The following GH1 variants were observed in gnomAD, a reference collection of about 807,000 sequenced individuals.
GH1 encodes somatotropin.
In GH1, 13 loss-of-function variants were observed where a neutral mutation model predicts 24.5. That is an observed-to-expected ratio of 0.53 (90% CI 0.35 to 0.85). The LOEUF (loss-of-function observed/expected upper bound fraction) is 0.85, where lower values mean the gene tolerates loss of function less well. Among genes scored for constraint, GH1 ranks in the 40% least tolerant of loss-of-function variants. GH1 has a pLI of 0.01. For synonymous variants in GH1, 126 were observed against 116.3 expected (o/e 1.08, Z -0.54); for missense variants, 294 against 273.2 (o/e 1.08, Z -0.54).
Position 63,917,810 on chromosome 17 carries a change from C to G in GH1, c.406G>C (p.Val136Leu). The change falls in exon 4 of 5, where the codon GTC becomes CTC. Residue 136 changes from valine (V) to leucine (L), a missense_variant. Val to Leu is a conservative substitution (Grantham distance 32). Coordinates refer to ENST00000323322, the MANE Select transcript of GH1 (RefSeq NM_000515.5). ...TCTAGGTCCTTTAGGAGGTCATAGA[C>G]GTTGCTGTCAGAGGCGCCGTACACC... Reference protein sequence around the residue: ...SLVYGASDSNVYDLLKDLEEG... With the variant: ...SLVYGASDSNLYDLLKDLEEG... 6.2e-7 allele frequency: 1 copy of G among 1,614,182 alleles called. No homozygotes were observed. Among genetic ancestry groups the G allele is most frequent in the Non-Finnish European group, 8.5e-7 (1 of 1,180,044 alleles).
At chr17:63,918,577 C>T in intron 1 of GH1, 71 bp from the exon 2 acceptor site, 1 of 1,611,798 alleles carries the variant, frequency 6.2e-7, no homozygotes, top group Non-Finnish European at 8.5e-7. Context: ...GCTCCAGGAG[C>T]TGTTTGTTTT....
chr17:63,918,004 G>A lies in GH1; in HGVS notation c.291+13C>T, dbSNP rs372156665. On this transcript the variant is annotated intron_variant, in intron 3 of 4. Transcript: ENST00000323322. ...CTCCCCCATCCCCGCCTGGGGAGAA[G>A]GCATCCACTCACGGATTTCTGTTGT... 1.9e-6 allele frequency: 3 copies of A among 1,614,174 alleles called. No individual in the cohort carries two copies. The highest frequency in any genetic ancestry group is 1.7e-5 in the Admixed American group (1 of 60,038).
rs41295039 is a variant in GH1 at position 63,917,940 on chromosome 17, G to T, written c.292-16C>A. The T allele has an allele frequency of 6.2e-7, 1 of 1,613,744 alleles. No homozygotes were observed. The highest frequency in any genetic ancestry group is 1.7e-5 in the Admixed American group (1 of 60,016). Reference sequence around the variant, plus strand: ...GCTCTAGGTTCTGCAGGGGAAGGACGGGCATTGGCTGTGCTGCCCGGGGGC... The same window carrying T: ...GCTCTAGGTTCTGCAGGGGAAGGACTGGCATTGGCTGTGCTGCCCGGGGGC... On this transcript the variant is annotated splice_polypyrimidine_tract_variant and intron_variant, in intron 3 of 4. Coordinates refer to ENST00000323322, the MANE Select transcript of GH1 (RefSeq NM_000515.5).
chr17:63,917,540 C>G lies in GH1; in HGVS notation c.457-34G>C, dbSNP rs374361067. ...TGAAGGAAGAGAAGGAGAGGCCAAGCGCTTGGGTACTGTTCCCTCCCTTTC... is the reference window on the plus strand; with the variant it reads ...TGAAGGAAGAGAAGGAGAGGCCAAGGGCTTGGGTACTGTTCCCTCCCTTTC... On this transcript the variant is annotated intron_variant, in intron 4 of 4. Transcript: ENST00000323322. The G allele has an allele frequency of 6.2e-6, 10 of 1,613,868 alleles. No homozygotes were observed. The African/African-American group carries it at 1.1e-4, about 17-fold the overall frequency.
rs754708691 is a variant in GH1 at position 63,918,355 on chromosome 17, G to A, written c.162C>T (p.Tyr54=). 4.3e-6 allele frequency: 7 copies of A among 1,614,070 alleles called. No homozygotes were observed. The highest frequency in any genetic ancestry group is 4.0e-5 in the African/African-American group (3 of 74,914). Residue 54 remains tyrosine (Y), a synonymous_variant, in exon 2 of 5, where the codon TAC becomes TAT. Coordinates refer to ENST00000323322, the MANE Select transcript of GH1 (RefSeq NM_000515.5). ...HRLHQLAFDT[Y]QEFEEAYIPK... ...TTCCCCAAGAGCTTACAAACTCCTG[G>A]TAGGTGTCAAAGGCCAGCTGGTGCA...
intron 1 of GH1, 85 bp downstream of exon 1, chr17:63,918,682 A>G: frequency 1.2e-6 from 2 of 1,612,046 alleles, no homozygotes; most frequent in Non-Finnish European, 1.7e-6. Context: ...CCCAAACCTG[A>G]GGGTTAGTGC....
rs4080075 is a variant in GH1 at position 63,917,447 on chromosome 17, G to A, written c.516C>T (p.Phe172=). The change falls in exon 5 of 5, where the codon TTC becomes TTT. Residue 172 remains phenylalanine, a synonymous_variant. Coordinates refer to ENST00000323322, the MANE Select transcript of GH1 (RefSeq NM_000515.5). ...CGTCATCGTTGTGTGAGTTTGTGTC[G>A]AACTTGCTGTAGGTCTGCTTGAAGA... The part of the protein sequence containing the change: ...GQIFKQTYSK[F]DTNSHNDDAL... 81 of 1,613,962 alleles carry A rather than the reference G, an allele frequency of 5.0e-5. No individual in the cohort carries two copies. Among genetic ancestry groups the A allele is most frequent in the African/African-American group, 2.5e-4 (19 of 75,024 alleles).
At chr17:63,918,207 A>T in intron 2 of GH1, 71 bp from the exon 3 acceptor site, 2 of 1,613,164 alleles carry the variant, frequency 1.2e-6, no homozygotes, top group Non-Finnish European at 1.7e-6. Context: ...TGGGAACCTC[A>T]CTCAGCGTGT....
chr17:63,918,539 C>T (rs756344544), intron 1 of GH1, 33 bp from the exon 2 acceptor site: 89 of 1,613,150 alleles, frequency 5.5e-5, no homozygotes, highest in East Asian at 4.2e-4. Context: ...CAGAGGGAGC[C>T]GGAGAGCAAG....
At chr17:63,918,244 G>A in intron 2 of GH1, 102 bp downstream of exon 2, 1 of 1,611,462 alleles carries the variant, frequency 6.2e-7, no homozygotes, top group Non-Finnish European at 8.5e-7. Flanking sequence ...TTTCGCTTCG[G>A]GAAAAACCCT....
rs61735359 is a variant in GH1 at position 63,918,367 on chromosome 17, G to T, written c.150C>A (p.Ala50=). Reference sequence around the variant, plus strand: ...TTACAAACTCCTGGTAGGTGTCAAAGGCCAGCTGGTGCAGACGATGGGCGC... The same window carrying T: ...TTACAAACTCCTGGTAGGTGTCAAATGCCAGCTGGTGCAGACGATGGGCGC... ...MLRAHRLHQL[A]FDTYQEFEEA... is the part of the protein sequence containing the mutation. Residue 50 remains alanine (A), a synonymous_variant, in exon 2 of 5, where the codon GCC becomes GCA. Coordinates refer to ENST00000323322, the MANE Select transcript of GH1 (RefSeq NM_000515.5). 1,285 of 1,614,200 alleles carry T rather than the reference G, an allele frequency of 8.0e-4. 9 individuals carry two copies. The African/African-American group carries it at 0.014, about 18-fold the overall frequency.
Position 63,918,066 on chromosome 17 carries a change from G to C in GH1, c.242C>G (p.Ser81Ter), listed in dbSNP as rs761074249. 7 of 1,614,070 alleles carry C rather than the reference G, an allele frequency of 4.3e-6. No homozygotes were observed. ...LQNPQTSLCFSESIPTPSNRE... is the reference protein window; with the variant it reads ...LQNPQTSLCF ...GTTGGAGGGTGTCGGAATAGACTCT[G>C]AGAAACAGAGGGAGGTCTGGGGGTT... is the stretch of plus-strand genomic sequence containing the variant. Residue 81 changes from serine to a stop codon, truncating the protein, a stop_gained, in exon 3 of 5, where the codon TCA becomes TGA. Transcript: ENST00000323322. LOFTEE classifies it high-confidence loss of function.
chr17:63,918,047 G>A lies in GH1; in HGVS notation c.261C>T (p.Pro87=), dbSNP rs745549585. Reference sequence around the variant, plus strand: ...TCTGTTGTGTTTCCTCCCTGTTGGAGGGTGTCGGAATAGACTCTGAGAAAC... The same window carrying A: ...TCTGTTGTGTTTCCTCCCTGTTGGAAGGTGTCGGAATAGACTCTGAGAAAC... The part of the protein sequence containing the change: ...SLCFSESIPT[P]SNREETQQKS... The change falls in exon 3 of 5, where the codon CCC becomes CCT. Residue 87 remains proline, a synonymous_variant. Transcript: ENST00000323322. The A allele has an allele frequency of 1.3e-5, 21 of 1,614,088 alleles. No individual in the cohort carries two copies. The highest frequency in any genetic ancestry group is 8.0e-5 in the African/African-American group (6 of 74,930).
rs184640372 is a variant in GH1 at position 63,917,416 on chromosome 17, G to A, written c.547C>T (p.Leu183Phe). ...CAGTAGAGCAGCCCGTAGTTCTTGA[G>A]TAGTGCGTCATCGTTGTGTGAGTTT... is the stretch of plus-strand genomic sequence containing the variant. ...DTNSHNDDAL[L>F]KNYGLLYCFR... Residue 183 changes from leucine to phenylalanine, a missense_variant, in exon 5 of 5, where the codon CTC becomes TTC. Transcript: ENST00000323322. 50 of 1,613,980 alleles carry A rather than the reference G, an allele frequency of 3.1e-5. No individual in the cohort carries two copies. In the African/African-American group the frequency reaches 6.0e-4, roughly 19 times the overall value.
chr17:63,917,598 G>C, intron 4 of GH1, 92 bp from the exon 5 acceptor site: 3 of 1,613,962 alleles, frequency 1.9e-6, no homozygotes, highest in Non-Finnish European at 2.5e-6. Context: ...CCCCTTCAGG[G>C]TGTAGAGAAA....
rs1288296754 is a variant in GH1 at position 63,918,331 on chromosome 17, T to A, written c.171+15A>T. 6.2e-7 allele frequency: 1 copy of A among 1,613,856 alleles called. No homozygotes were observed. The highest frequency in any genetic ancestry group is 2.2e-5 in the East Asian group (1 of 44,868). On this transcript the variant is annotated intron_variant, in intron 2 of 4. Coordinates refer to ENST00000323322, the MANE Select transcript of GH1 (RefSeq NM_000515.5). ...CCTGCCACCCCTGATGCGCACCCATTCCCCAAGAGCTTACAAACTCCTGGT... is the reference window on the plus strand; with the variant it reads ...CCTGCCACCCCTGATGCGCACCCATACCCCAAGAGCTTACAAACTCCTGGT...
intron 1 of GH1, 115 bp downstream of exon 1, chr17:63,918,652 C>T (rs1261496142): frequency 9.9e-6 from 16 of 1,610,026 alleles, no homozygotes; most frequent in Middle Eastern, 2.2e-4. Context: ...GCTTACATGG[C>T]GATACTCACA....
chr17:63,918,745 A>G (rs1350046543), intron 1 of GH1, 22 bp downstream of exon 1: 2 of 1,613,778 alleles, frequency 1.2e-6, no homozygotes, highest in South Asian at 1.1e-5. Flanking sequence ...ATTGTGCCCA[A>G]AGGGATTTTA....
Position 63,918,358 on chromosome 17 carries a change from G to A in GH1, c.159C>T (p.Thr53=). The change falls in exon 2 of 5, where the codon ACC becomes ACT. Residue 53 remains threonine, a synonymous_variant. Transcript: ENST00000323322. ...AHRLHQLAFD[T]YQEFEEAYIP... is the part of the protein sequence containing the mutation. Reference sequence around the variant, plus strand: ...CCCAAGAGCTTACAAACTCCTGGTAGGTGTCAAAGGCCAGCTGGTGCAGAC... The same window carrying A: ...CCCAAGAGCTTACAAACTCCTGGTAAGTGTCAAAGGCCAGCTGGTGCAGAC... 6.2e-7 allele frequency: 1 copy of A among 1,614,182 alleles called. No homozygotes were observed. The highest frequency in any genetic ancestry group is 8.5e-7 in the Non-Finnish European group (1 of 1,180,018).
Sources: gnomAD v4.1 joint callset for allele counts on GRCh38, gnomAD v4.1.1 for gene constraint, MANE v1.5 for transcripts, NCBI Gene and HGNC (gene_info 2026-07-23, HGNC 2026-07-21) for gene names.